OLA1: variants seen among roughly 807,000 people sequenced by gnomAD.
OLA1 encodes obg-like ATPase 1.
OLA1 carries 14 observed loss-of-function variants against 48.4 expected under a neutral mutation model. That is an observed-to-expected ratio of 0.29 (90% CI 0.19 to 0.45). The LOEUF is 0.45. Among genes scored for constraint, OLA1 ranks in the 20% least tolerant of loss-of-function variants. The pLI is 1.00. For synonymous variants in OLA1, 127 were observed against 150.4 expected (o/e 0.84, Z 1.14); for missense variants, 325 against 467.1 (o/e 0.70, Z 2.80).
chr2:174,239,394 T>C (rs1688941921), intron 2 of OLA1, among the ~76,000 whole-genome samples: 1 of 152,158 alleles, frequency 6.6e-6, no homozygotes, highest in African/African-American at 2.4e-5. Context: ...TAATACACTG[T>C]ATTGAAAAGC....
chr2:174,170,539 T>C (rs527965602), intron 4 of OLA1, among the ~76,000 whole-genome samples: 153 of 152,292 alleles, frequency 1.0e-3, no homozygotes, highest in South Asian at 3.1e-3. Context: ...TTAAAAGGTG[T>C]TGACTATCAG....
At chr2:174,165,620 C>G (rs1687144081) in intron 4 of OLA1, among the ~76,000 whole-genome samples, 1 of 152,140 alleles carries the variant, frequency 6.6e-6, no homozygotes. Context: ...CAAAGTCTTT[C>G]CAGTTAAAGT....
At chr2:174,243,099 C>T (rs1456952733) in intron 2 of OLA1, among the ~76,000 whole-genome samples, 1 of 152,070 alleles carries the variant, frequency 6.6e-6, no homozygotes, top group Non-Finnish European at 1.5e-5. Context: ...ACCTCCGCCT[C>T]CCAGGTTGAA....
chr2:174,140,513 G>A (rs868735189), intron 5 of OLA1, among the ~76,000 whole-genome samples: 26 of 151,846 alleles, frequency 1.7e-4, no homozygotes, highest in Middle Eastern at 6.8e-3. Flanking sequence ...GATTACAGGC[G>A]TGCACCACCA....
chr2:174,092,747 T>C (rs1219080061), intron 7 of OLA1, among the ~76,000 whole-genome samples: 1 of 152,224 alleles, frequency 6.6e-6, no homozygotes, highest in African/African-American at 2.4e-5. Flanking sequence ...GAAATTAATA[T>C]GCTTGTTTAG....
intron 4 of OLA1, among the ~76,000 whole-genome samples, chr2:174,165,077 T>C (rs1687129646): frequency 6.6e-6 from 1 of 152,214 alleles, no homozygotes; most frequent in Non-Finnish European, 1.5e-5. Context: ...ACTGATCATG[T>C]ATTGCATGAA....
At chr2:174,236,656 C>T (rs1370074915) in intron 2 of OLA1, among the ~76,000 whole-genome samples, 2 of 152,106 alleles carry the variant, frequency 1.3e-5, no homozygotes, top group Non-Finnish European at 2.9e-5. Flanking sequence ...AGTATATTTA[C>T]ACAAACCTAG....
At chr2:174,137,347 G>T (rs1686333032) in intron 5 of OLA1, among the ~76,000 whole-genome samples, 1 of 148,712 alleles carries the variant, frequency 6.7e-6, no homozygotes, top group Non-Finnish European at 1.5e-5. Context: ...AGGTTTCGTT[G>T]TTCCACTTAT....
At chr2:174,169,139 G>T (rs1237463540) in intron 4 of OLA1, among the ~76,000 whole-genome samples, 2 of 151,970 alleles carry the variant, frequency 1.3e-5, no homozygotes, top group African/African-American at 4.8e-5. Context: ...TAGAGATGGG[G>T]TTTCGCCATG....
At chr2:174,112,457 C>G (rs1002987461) in intron 7 of OLA1, among the ~76,000 whole-genome samples, 1 of 152,144 alleles carries the variant, frequency 6.6e-6, no homozygotes, top group Non-Finnish European at 1.5e-5. Flanking sequence ...CAACATTAGG[C>G]ATACAAATTA....
intron 4 of OLA1, among the ~76,000 whole-genome samples, chr2:174,173,868 T>G (rs1687362267): frequency 6.6e-6 from 1 of 152,018 alleles, no homozygotes. Context: ...AATAACTTTA[T>G]GCCCAATAAA....
In OLA1 at chr2:174,079,193, A is replaced by G. The variant is rs1225936886; in HGVS notation, c.967-103T>C. On this transcript the variant is annotated intron_variant, in intron 9 of 10. Transcript: ENST00000284719. ...CTGCAGTTGGGCTCAACTAGAACTT[A>G]GTTTAATATCTGTTAAGATGTCAGG... 4.5e-6 allele frequency: 4 copies of G among 889,110 alleles called. No homozygotes were observed. In the African/African-American group the frequency reaches 5.1e-5, roughly 11 times the overall value. 55.1% of individuals were successfully genotyped at this position (889,110 alleles called of 1,614,324 possible).
intron 4 of OLA1, among the ~76,000 whole-genome samples, chr2:174,145,860 T>C (rs1232227384): frequency 6.6e-6 from 1 of 152,186 alleles, no homozygotes; most frequent in Non-Finnish European, 1.5e-5. Context: ...TGATAGGATA[T>C]GATACAGTTT....
Position 174,223,032 on chromosome 2 carries a change from C to T in OLA1, c.373+1G>A, listed in dbSNP as rs1467899995. ...ATGATTAAATAAACAACTGTACTTA[C>T]GTGTTAGATGAAAGATGCCATCACA... On this transcript the variant is annotated splice_donor_variant, in intron 4 of 10. Transcript: ENST00000284719. LOFTEE classifies it high-confidence loss of function. 5 of 1,610,694 alleles carry T rather than the reference C, an allele frequency of 3.1e-6. No homozygotes were observed. Among genetic ancestry groups the T allele is most frequent in the South Asian group, 1.1e-5 (1 of 90,632 alleles).
intron 5 of OLA1, 96 bp from the exon 6 acceptor site, chr2:174,123,771 A>G (rs931846942): frequency 3.0e-5 from 16 of 525,532 alleles, no homozygotes; most frequent in Middle Eastern, 1.1e-3. Context: ...ATAAAAATAG[A>G]TTGTTTTAAT....
intron 4 of OLA1, among the ~76,000 whole-genome samples, chr2:174,215,047 C>CAAAAAAAAA (rs527994410): frequency 9.1e-6 from 1 of 109,758 alleles, no homozygotes; most frequent in African/African-American, 3.5e-5. Context: ...GAGACTATCT[C>CAAAAAAAAA]AAAAAAAAAA....
At chr2:174,197,277 C>G (rs1415022708) in intron 4 of OLA1, among the ~76,000 whole-genome samples, 4 of 152,182 alleles carry the variant, frequency 2.6e-5, no homozygotes, top group Admixed American at 6.5e-5. Flanking sequence ...GCCTAATTAA[C>G]TGCAGTGTTG....
intron 10 of OLA1, among the ~76,000 whole-genome samples, chr2:174,077,520 C>T (rs1045440495): frequency 5.3e-5 from 8 of 151,952 alleles, no homozygotes; most frequent in East Asian, 1.9e-4. Flanking sequence ...GTTAAAACAA[C>T]GTAAAATATT....
At chr2:174,171,455 A>C (rs750490849) in intron 4 of OLA1, among the ~76,000 whole-genome samples, 1 of 152,224 alleles carries the variant, frequency 6.6e-6, no homozygotes, top group East Asian at 1.9e-4. Context: ...TTAGAAATCA[A>C]TAACAGTAAG....
Sources: gnomAD v4.1 joint callset for allele counts (sites outside exome capture counted in the v4.1 genomes callset) on GRCh38, gnomAD v4.1.1 for gene constraint, MANE v1.5 for transcripts, NCBI Gene and HGNC (gene_info 2026-07-23, HGNC 2026-07-21) for gene names.